STOX2: variants seen among roughly 807,000 people sequenced by gnomAD.
STOX2 encodes storkhead-box protein 2.
Under a neutral mutation model 60.9 loss-of-function variants are expected in STOX2, and 28 were observed. The observed-to-expected ratio is 0.46, with a 90% CI of 0.34 to 0.63. The LOEUF (loss-of-function observed/expected upper bound fraction) is 0.63. Among genes scored for constraint, STOX2 ranks in the 30% least tolerant of loss-of-function variants. STOX2 has a pLI of 0.01. For missense variants in STOX2, 1,024 were observed against 1,187.7 expected (o/e 0.86, Z 2.03); for synonymous variants, 472 against 463.9 (o/e 1.02, Z -0.22).
At chr4:183,834,158 T>A (rs1296029807) in intron 1 of STOX2, among the ~76,000 whole-genome samples, 1 of 152,092 alleles carries the variant, frequency 6.6e-6, no homozygotes, top group Non-Finnish European at 1.5e-5. Context: ...GAGAGGAGCA[T>A]TCCATCAGCA....
intron 1 of STOX2, among the ~76,000 whole-genome samples, chr4:183,992,735 A>G (rs915661803): frequency 1.3e-5 from 2 of 152,238 alleles, no homozygotes; most frequent in African/African-American, 4.8e-5. Context: ...GGACTGGAGC[A>G]CAAGTGGCAG....
chr4:183,883,321 A>ATT (rs200527349), intron 1 of STOX2, among the ~76,000 whole-genome samples: 1,892 of 148,664 alleles, frequency 0.013, 46 homozygotes, highest in African/African-American at 0.041. Flanking sequence ...ACATGTTATA[A>ATT]ATTTTTTTTT....
At chr4:183,877,667 T>TTCGCTG (rs1389029941) in intron 1 of STOX2, among the ~76,000 whole-genome samples, 2 of 152,012 alleles carry the variant, frequency 1.3e-5, no homozygotes, top group East Asian at 1.9e-4. Context: ...ATGCCGCACT[T>TTCGCTG]CCGCTGCTGC....
rs61730738 is a variant in STOX2, at chr4:184,009,493, G to A, written c.655G>A (p.Ala219Thr). Residue 219 changes from alanine (A) to threonine (T), a missense_variant, in exon 3 of 4, where the codon GCC (alanine) becomes ACC (threonine). By Grantham distance (58) the Ala-to-Thr change is moderately conservative. Around this residue, in one of 3 missense-constraint regions of STOX2, gnomAD observed 922 missense variants for 1,058.3 expected, o/e 0.87. Transcript: ENST00000308497. The surrounding 1 kb of genome is among the most constrained non-coding windows in gnomAD (Gnocchi z 4.0). Reference sequence around the variant, plus strand: ...TGCACCCACCCTGCAAAGGAAGTCTGCCAAGGACTGCAAAGACCCTTACTG... The same window carrying A: ...TGCACCCACCCTGCAAAGGAAGTCTACCAAGGACTGCAAAGACCCTTACTG... ...THAPTLQRKS[A>T]KDCKDPYCPP... The A allele has an allele frequency of 0.035, 56,528 of 1,613,996 alleles. 1,181 individuals are homozygous for A. The highest frequency in any genetic ancestry group is 0.071 in the Admixed American group (4,238 of 60,022).
At chr4:183,950,954 G>T (rs536915967) in intron 1 of STOX2, among the ~76,000 whole-genome samples, 7 of 152,228 alleles carry the variant, frequency 4.6e-5, no homozygotes, top group African/African-American at 1.4e-4. Flanking sequence ...GGTGGCTCAC[G>T]CCTGTAATCC....
Position 184,020,766 on chromosome 4 carries a change from C to T in STOX2, c.*3482C>T, listed in dbSNP as rs1734555403. On this transcript the variant is annotated 3_prime_UTR_variant, in exon 4 of 4. Transcript: ENST00000308497. The stretch of plus-strand genomic sequence containing the variant: ...GGATAAAAATAACAAATTACTTCTT[C>T]TCTGATGTTGTGAAGGTCAGGTTCA... The T allele has an allele frequency of 6.6e-6, 1 of 152,072 alleles. No homozygotes were observed. The highest frequency in any genetic ancestry group is 2.4e-5 in the African/African-American group (1 of 41,392). 9.4% of individuals were successfully genotyped at this position (152,072 alleles called of 1,614,324 possible). A position where few individuals can be genotyped will look rare whatever the true frequency, so the allele number is the denominator to read the frequency against.
intron 1 of STOX2, chr4:183,988,583 T>C (rs1242378314): frequency 6.6e-6 from 1 of 152,490 alleles, no homozygotes; most frequent in East Asian, 1.9e-4. Context: ...AAAAAGTAGA[T>C]CTACGAAGGT....
intron 1 of STOX2, among the ~76,000 whole-genome samples, chr4:183,931,848 C>T (rs1742434510): frequency 6.6e-6 from 1 of 152,128 alleles, no homozygotes; most frequent in Non-Finnish European, 1.5e-5. Context: ...TTTGCATGCT[C>T]TTAAGAAGCA....
chr4:183,997,341 A>G (rs1195925036), intron 1 of STOX2, among the ~76,000 whole-genome samples: 2 of 152,206 alleles, frequency 1.3e-5, no homozygotes, highest in Non-Finnish European at 2.9e-5. Flanking sequence ...ATGTTCAAAG[A>G]ACAGAGGAGG....
At chr4:183,798,576 G>A (rs1201589655) in intron 1 of STOX2, 2 of 969,562 alleles carry the variant, frequency 2.1e-6, no homozygotes, top group Admixed American at 1.2e-4. Context: ...TTGAGGCTGA[G>A]TGTTGCGCGC....
rs898272040 is a variant in STOX2, at chr4:184,022,282, G to A, written c.*4998G>A. 1 of 152,158 alleles carries A rather than the reference G, an allele frequency of 6.6e-6. No individual in the cohort carries two copies. Among genetic ancestry groups the A allele is most frequent in the South Asian group, 2.1e-4 (1 of 4,834 alleles). The allele number at this position is 152,158 out of a possible 1,614,324, so 9.4% of individuals were successfully genotyped here. A position where few individuals can be genotyped will look rare whatever the true frequency, so the allele number is the denominator to read the frequency against. ...CATTCATTATTACATTTCCTTGTGT[G>A]TTTCAAACAGACATTGGCACCTTCC... On this transcript the variant is annotated 3_prime_UTR_variant, in exon 4 of 4. Coordinates refer to ENST00000308497, the MANE Select transcript of STOX2 (RefSeq NM_020225.3).
chr4:184,004,866 A>G (rs956855673), intron 2 of STOX2, among the ~76,000 whole-genome samples: 26 of 152,218 alleles, frequency 1.7e-4, no homozygotes, highest in African/African-American at 5.8e-4. Flanking sequence ...AGCTGTTACA[A>G]CTGAATCTTT....
At chr4:183,929,731 C>T (rs1222485656) in intron 1 of STOX2, among the ~76,000 whole-genome samples, 1 of 152,204 alleles carries the variant, frequency 6.6e-6, no homozygotes, top group African/African-American at 2.4e-5. Context: ...TGAAGGGCCA[C>T]AGCATCGACA....
chr4:183,938,407 G>A (rs770687736), intron 1 of STOX2, among the ~76,000 whole-genome samples: 3 of 152,238 alleles, frequency 2.0e-5, no homozygotes, highest in South Asian at 4.1e-4. Context: ...GGTGGCTCAC[G>A]CTTGTAATCC....
chr4:183,912,890 A>C (rs191203809), intron 1 of STOX2, among the ~76,000 whole-genome samples: 9 of 152,350 alleles, frequency 5.9e-5, no homozygotes, highest in Non-Finnish European at 1.3e-4. Flanking sequence ...AGAAATTATA[A>C]GTATGTATGC....
At chr4:183,859,826 C>T (rs868297162) in intron 1 of STOX2, among the ~76,000 whole-genome samples, 7 of 152,240 alleles carry the variant, frequency 4.6e-5, no homozygotes, top group African/African-American at 1.2e-4. Context: ...ATACCAAAGA[C>T]TAGAAAGACT....
At chr4:183,902,620 T>C (rs1012586835), upstream of STOX2, among the ~76,000 whole-genome samples, 1 of 152,186 alleles carries the variant, frequency 6.6e-6, no homozygotes, top group African/African-American at 2.4e-5. Flanking sequence ...AGTGACTCTT[T>C]CCATCATAAC....
chr4:183,833,456 T>C (rs1476099923), intron 1 of STOX2, among the ~76,000 whole-genome samples: 2 of 152,068 alleles, frequency 1.3e-5, no homozygotes, highest in Non-Finnish European at 1.5e-5. Context: ...CTTAATCTCT[T>C]CTCTATATCC....
intron 1 of STOX2, among the ~76,000 whole-genome samples, chr4:183,882,465 T>A (rs1040226453): frequency 6.6e-6 from 1 of 152,214 alleles, no homozygotes; most frequent in African/African-American, 2.4e-5. Flanking sequence ...GAAACCTAAT[T>A]CAATTAACTT....
Sources: allele counts gnomAD v4.1 joint callset (sites outside exome capture counted in the v4.1 genomes callset), GRCh38; gene constraint gnomAD v4.1.1; regional missense constraint gnomAD v4.1.1; non-coding constraint Gnocchi (gnomAD v3.1); transcripts MANE v1.5; gene names NCBI Gene and HGNC (gene_info 2026-07-23, HGNC 2026-07-21).